The following NEK11 variants were observed in gnomAD, a reference collection of about 807,000 sequenced individuals.
NEK11 encodes serine/threonine-protein kinase Nek11.
Under a neutral mutation model 80.7 loss-of-function variants are expected in NEK11, and 72 were observed. The observed-to-expected ratio is 0.89, with a 90% confidence interval of 0.74 to 1.08. The LOEUF (loss-of-function observed/expected upper bound fraction) is 1.08. Ranked by LOEUF, NEK11 falls within the 50% of genes least tolerant of loss-of-function variation. NEK11 has a pLI of 0.00. For synonymous variants in NEK11, 251 were observed against 260.7 expected (o/e 0.96, Z 0.36); for missense variants, 764 against 763.6 (o/e 1.00, Z -0.01).
intron 14 of NEK11, among the ~76,000 whole-genome samples, chr3:131,220,250 G>A (rs1200675555): frequency 6.6e-6 from 1 of 152,004 alleles, no homozygotes; most frequent in Non-Finnish European, 1.5e-5. Flanking sequence ...TTTACCTTAT[G>A]TAAAAGGTAA....
At chr3:131,255,057 A>G (rs2095783383) in intron 16 of NEK11, among the ~76,000 whole-genome samples, 1 of 145,924 alleles carries the variant, frequency 6.9e-6, no homozygotes, top group African/African-American at 2.6e-5. Context: ...AGAGAGACAG[A>G]CAGACAGACA....
At chr3:131,159,500 T>C (rs2091237517) in intron 10 of NEK11, among the ~76,000 whole-genome samples, 1 of 152,224 alleles carries the variant, frequency 6.6e-6, no homozygotes, top group South Asian at 2.1e-4. Flanking sequence ...GCCCAGTGGC[T>C]CATGCCTATA....
At chr3:131,037,941 C>T (rs186120369) in intron 3 of NEK11, among the ~76,000 whole-genome samples, 428 of 151,970 alleles carry the variant, frequency 2.8e-3, no homozygotes, top group African/African-American at 9.8e-3. Context: ...TTGAGTGGGA[C>T]GAGTTAATTT....
At chr3:131,172,430 T>A (rs925931668) in intron 14 of NEK11, among the ~76,000 whole-genome samples, 2 of 152,270 alleles carry the variant, frequency 1.3e-5, no homozygotes, top group African/African-American at 2.4e-5. Flanking sequence ...TGTTAAAGCC[T>A]GTGCTGCCTC....
chr3:131,244,932 A>G (rs1168995815), intron 16 of NEK11, among the ~76,000 whole-genome samples: 1 of 152,104 alleles, frequency 6.6e-6, no homozygotes, highest in Non-Finnish European at 1.5e-5. Flanking sequence ...TCAAAAATAT[A>G]TATTATTGTT....
chr3:131,222,812 G>A (rs936762771), intron 14 of NEK11, among the ~76,000 whole-genome samples: 1 of 152,200 alleles, frequency 6.6e-6, no homozygotes, highest in Non-Finnish European at 1.5e-5. Context: ...AAGTCTTGGG[G>A]TGGGACCCAG....
chr3:131,280,390 T>C (rs576975666), intron 17 of NEK11, among the ~76,000 whole-genome samples: 168 of 152,308 alleles, frequency 1.1e-3, no homozygotes, highest in Middle Eastern at 6.8e-3. Flanking sequence ...GGCTTTTTTT[T>C]CCCTCTCTGT....
At chr3:131,157,773 C>T (rs566678920) in intron 10 of NEK11, among the ~76,000 whole-genome samples, 9 of 152,258 alleles carry the variant, frequency 5.9e-5, no homozygotes, top group East Asian at 5.8e-4. Context: ...CCTCCAGTGA[C>T]GCTGGGGGAA....
chr3:131,170,879 G>C lies in NEK11; in HGVS notation c.1391G>C (p.Gly464Ala). 11 of 1,609,738 alleles carry C rather than the reference G, an allele frequency of 6.8e-6. No individual in the cohort carries two copies. Among genetic ancestry groups the C allele is most frequent in the Non-Finnish European group, 9.4e-6 (11 of 1,176,028 alleles). ...SIVEDATSDL[G>A]YHEIPEDPLV... ...GTAGAGGATGCCACATCTGACCTTG[G>C]ATACCATGGTATGTGTTTGCATTGA... Residue 464 changes from glycine to alanine, a missense_variant, in exon 14 of 18, where the codon GGA (glycine) becomes GCA (alanine). Coordinates refer to ENST00000383366, the MANE Select transcript of NEK11 (RefSeq NM_024800.5).
At chr3:131,295,101 A>G (rs949568966) in intron 17 of NEK11, among the ~76,000 whole-genome samples, 2 of 152,082 alleles carry the variant, frequency 1.3e-5, no homozygotes, top group African/African-American at 4.8e-5. Flanking sequence ...ATGTAGTTGG[A>G]TTAATATCTA....
intron 3 of NEK11, among the ~76,000 whole-genome samples, chr3:131,045,242 G>A (rs1488918903): frequency 6.6e-6 from 1 of 152,030 alleles, no homozygotes; most frequent in Non-Finnish European, 1.5e-5. Flanking sequence ...ACCTAAAATC[G>A]ACAATTGTCT....
intron 5 of NEK11, among the ~76,000 whole-genome samples, chr3:131,121,411 C>T (rs1219806984): frequency 9.2e-5 from 14 of 152,336 alleles, no homozygotes; most frequent in East Asian, 3.9e-4. Context: ...GGATGTGCCT[C>T]CCAGTTAGGC....
intron 14 of NEK11, among the ~76,000 whole-genome samples, chr3:131,218,277 T>C (rs1314926311): frequency 6.6e-6 from 1 of 152,084 alleles, no homozygotes; most frequent in Admixed American, 6.6e-5. Context: ...TGTGTGTATA[T>C]AGAGTTTGGT....
intron 10 of NEK11, among the ~76,000 whole-genome samples, chr3:131,156,785 T>G (rs1913897): frequency 0.09 from 13,771 of 152,180 alleles, 1,142 homozygotes; most frequent in East Asian, 0.43. Flanking sequence ...TCATGTAAAG[T>G]GCTTACAAGC....
chr3:131,232,169 T>G (rs1358306772), intron 15 of NEK11, among the ~76,000 whole-genome samples: 1 of 152,210 alleles, frequency 6.6e-6, no homozygotes, highest in Non-Finnish European at 1.5e-5. Context: ...CTGCCAAGTC[T>G]GTGGTCACTG....
rs142104055 is a variant in NEK11, at chr3:131,118,083, C to T, written c.455+8162C>T. Among the ~76,000 whole-genome samples, 733 of 152,170 alleles carry T rather than the reference C, an allele frequency of 4.8e-3. 10 individuals are homozygous for T. Among genetic ancestry groups the T allele is most frequent in the African/African-American group, 0.017 (707 of 41,500 alleles). ...CAAACAGAATGCTTCCAGTTTTTGC[C>T]CATTCAGTATGATATTGGCTGTGGG... On this transcript the variant is annotated intron_variant, in intron 5 of 17. Coordinates refer to ENST00000383366, the MANE Select transcript of NEK11 (RefSeq NM_024800.5).
intron 4 of NEK11, among the ~76,000 whole-genome samples, chr3:131,100,415 G>A (rs2078192021): frequency 1.3e-5 from 2 of 152,172 alleles, no homozygotes; most frequent in South Asian, 2.1e-4. Flanking sequence ...CCAACATGGT[G>A]AAATCCCGTC....
chr3:131,082,027 G>C (rs988906010), intron 4 of NEK11, among the ~76,000 whole-genome samples: 4 of 152,144 alleles, frequency 2.6e-5, no homozygotes, highest in African/African-American at 9.7e-5. Flanking sequence ...GCCTTGCTGG[G>C]TATTTTCCCA....
intron 16 of NEK11, among the ~76,000 whole-genome samples, chr3:131,248,389 G>A (rs1002188372): frequency 6.6e-6 from 1 of 152,042 alleles, no homozygotes; most frequent in Non-Finnish European, 1.5e-5. Flanking sequence ...CATAGTAGGT[G>A]TTTGTGTTTA....
Sources: allele counts gnomAD v4.1 joint callset (sites outside exome capture counted in the v4.1 genomes callset), GRCh38; gene constraint gnomAD v4.1.1; transcripts MANE v1.5; gene names NCBI Gene and HGNC (gene_info 2026-07-23, HGNC 2026-07-21).